SPPL3: variants seen among roughly 807,000 people sequenced by gnomAD.
SPPL3 encodes the protein signal peptide peptidase-like 3.
A neutral mutation model predicts 42.4 loss-of-function variants in SPPL3; 5 were observed. That is an observed-to-expected ratio of 0.12 (90% CI 0.06 to 0.25). The LOEUF (loss-of-function observed/expected upper bound fraction) is 0.25, where lower values mean the gene tolerates loss of function less well. SPPL3 is among the 10% of genes least tolerant of loss of function. SPPL3 has a pLI of 1.00. For missense variants in SPPL3, 235 were observed against 489.0 expected (o/e 0.48, Z 4.90); for synonymous variants, 195 against 181.8 (o/e 1.07, Z -0.58).
At chr12:120,845,150 C>A in intron 1 of SPPL3, 1 of 456,964 alleles carries the variant, frequency 2.2e-6, no homozygotes, top group Admixed American at 2.5e-5. Flanking sequence ...CAGCCCAGTC[C>A]TTGATAGAGC....
intron 6 of SPPL3, among the ~76,000 whole-genome samples, chr12:120,781,173 T>C (rs186273914): frequency 6.6e-6 from 1 of 152,174 alleles, no homozygotes; most frequent in African/African-American, 2.4e-5. Context: ...ACTCCATTCA[T>C]CCTAGGTATT....
chr12:120,785,239 T>C (rs2136980610), intron 3 of SPPL3, among the ~76,000 whole-genome samples: 1 of 149,004 alleles, frequency 6.7e-6, no homozygotes, highest in Admixed American at 6.6e-5. Flanking sequence ...CCCCCGTTTC[T>C]ATCTATTAAT....
intron 2 of SPPL3, 175 bp from the exon 3 acceptor site, chr12:120,791,732 GTCAGT>G: frequency 1.8e-6 from 1 of 542,266 alleles, no homozygotes; most frequent in Non-Finnish European, 3.2e-6. Context: ...CTTCCAATGT[GTCAGT>G]TCAAGAGTTT....
At chr12:120,881,336 G>T (rs919192794) in intron 1 of SPPL3, among the ~76,000 whole-genome samples, 1 of 150,850 alleles carries the variant, frequency 6.6e-6, no homozygotes, top group African/African-American at 2.5e-5. Flanking sequence ...GGGCGTGTTG[G>T]TGTGTGCCTG....
At chr12:120,830,892 G>C (rs999990458) in intron 1 of SPPL3, among the ~76,000 whole-genome samples, 11 of 152,088 alleles carry the variant, frequency 7.2e-5, no homozygotes, top group Non-Finnish European at 1.5e-5. Context: ...AGGATGCCCA[G>C]CTACGTGGTT....
intron 1 of SPPL3, among the ~76,000 whole-genome samples, chr12:120,863,357 A>G (rs1872668938): frequency 6.6e-6 from 1 of 152,120 alleles, no homozygotes; most frequent in South Asian, 2.1e-4. Context: ...CAAAAGAAAA[A>G]AAAAAAAAGT....
chr12:120,891,682 T>C (rs1207980058), intron 1 of SPPL3, among the ~76,000 whole-genome samples: 1 of 151,392 alleles, frequency 6.6e-6, no homozygotes, highest in Non-Finnish European at 1.5e-5. Flanking sequence ...TGCAAAATAT[T>C]TTCACATGAG....
At chr12:120,900,208 T>G (rs1486638703) in intron 1 of SPPL3, among the ~76,000 whole-genome samples, 1 of 152,148 alleles carries the variant, frequency 6.6e-6, no homozygotes, top group African/African-American at 2.4e-5. Context: ...CATATGCCTT[T>G]ATATTCTTCA....
intron 1 of SPPL3, among the ~76,000 whole-genome samples, chr12:120,885,499 A>G (rs1010029538): frequency 2.0e-5 from 3 of 152,344 alleles, no homozygotes; most frequent in African/African-American, 7.2e-5. Flanking sequence ...AAAGCATGTG[A>G]GTACCACTTA....
At chr12:120,865,919 C>A (rs1032031625) in intron 1 of SPPL3, among the ~76,000 whole-genome samples, 2 of 152,190 alleles carry the variant, frequency 1.3e-5, no homozygotes, top group Non-Finnish European at 2.9e-5. Flanking sequence ...CCTGTCAGAT[C>A]AGCAGTGGCA....
At chr12:120,838,502 C>T (rs1871696186) in intron 1 of SPPL3, among the ~76,000 whole-genome samples, 1 of 152,150 alleles carries the variant, frequency 6.6e-6, no homozygotes, top group South Asian at 2.1e-4. Context: ...GGAACGCTGT[C>T]CTAGTCAGTG....
At chr12:120,828,970 C>T (rs951350443) in intron 1 of SPPL3, among the ~76,000 whole-genome samples, 6 of 151,720 alleles carry the variant, frequency 4.0e-5, no homozygotes, top group Admixed American at 1.3e-4. Context: ...TCTATGTTGC[C>T]CAGGCTGGTC....
intron 6 of SPPL3, among the ~76,000 whole-genome samples, chr12:120,772,213 G>C (rs1869150378): frequency 6.6e-6 from 1 of 151,970 alleles, no homozygotes; most frequent in African/African-American, 2.4e-5. Flanking sequence ...GTAGAGACAG[G>C]GTTTCACCAT....
At chr12:120,815,296 T>G (rs144945232) in intron 1 of SPPL3, among the ~76,000 whole-genome samples, 49 of 152,354 alleles carry the variant, frequency 3.2e-4, no homozygotes, top group African/African-American at 1.1e-3. Flanking sequence ...ACTTTTGAAT[T>G]TTTACCCATC....
chr12:120,768,249 C>CCAG, intron 8 of SPPL3, 76 bp downstream of exon 8: 1 of 1,520,588 alleles, frequency 6.6e-7, no homozygotes, highest in Non-Finnish European at 8.9e-7. Flanking sequence ...ATGCTGATGA[C>CCAG]ATTAGAGACT....
intron 1 of SPPL3, among the ~76,000 whole-genome samples, chr12:120,881,004 TGA>T (rs1231934784): frequency 6.6e-6 from 1 of 151,558 alleles, no homozygotes; most frequent in Non-Finnish European, 1.5e-5. Context: ...AAAATCACAA[TGA>T]GATACCACTT....
At chr12:120,793,617 T>A (rs1030171872) in intron 2 of SPPL3, among the ~76,000 whole-genome samples, 1 of 152,238 alleles carries the variant, frequency 6.6e-6, no homozygotes, top group African/African-American at 2.4e-5. Flanking sequence ...CTAGTGGGAA[T>A]GTGAACTGGT....
At chr12:120,868,229 C>G (rs544928555) in intron 1 of SPPL3, among the ~76,000 whole-genome samples, 1 of 151,938 alleles carries the variant, frequency 6.6e-6, no homozygotes, top group South Asian at 2.1e-4. Flanking sequence ...GCACTCCAGC[C>G]TGGGTGACGG....
chr12:120,863,553 T>C (rs557145242), intron 1 of SPPL3, among the ~76,000 whole-genome samples: 1 of 152,234 alleles, frequency 6.6e-6, no homozygotes, highest in Non-Finnish European at 1.5e-5. Flanking sequence ...TTCAACTGCA[T>C]GCATATCTAT....
Sources: allele counts gnomAD v4.1 joint callset (sites outside exome capture counted in the v4.1 genomes callset), GRCh38; gene constraint gnomAD v4.1.1; transcripts MANE v1.5; gene names NCBI Gene and HGNC (gene_info 2026-07-23, HGNC 2026-07-21).